ECSCR: variants seen among roughly 807,000 people sequenced by gnomAD.
ECSCR encodes the protein endothelial cell surface expressed chemotaxis and apoptosis regulator, also known as endothelial cell-specific chemotaxis regulator.
ECSCR carries 12 observed loss-of-function variants against 16.7 expected under a neutral mutation model. The observed-to-expected ratio is 0.72, with a 90% CI of 0.46 to 1.17. ECSCR has a LOEUF of 1.17. ECSCR is among the 50% of genes most tolerant of loss of function. The pLI, the probability that ECSCR is intolerant of heterozygous loss-of-function variation, is 0.00. For missense variants in ECSCR, 122 were observed against 116.1 expected (o/e 1.05, Z -0.23); for synonymous variants, 44 against 42.2 (o/e 1.04, Z -0.17).
chr5:139,456,436 T>C (rs1751159864), intron 5 of ECSCR, 38 bp downstream of exon 5: 3 of 398,420 alleles, frequency 7.5e-6, no homozygotes, highest in Non-Finnish European at 1.3e-5. Flanking sequence ...AGACATCTCC[T>C]GCCGACTTCT....
chr5:139,458,500 C>CAAAAAAAAAAAAAAAA (rs397882364), intron 1 of ECSCR, among the ~76,000 whole-genome samples: 108 of 85,358 alleles, frequency 1.3e-3, no homozygotes, highest in African/African-American at 1.6e-3. Flanking sequence ...CCTATCTCAA[C>CAAAAAAAAAAAAAAAA]AAAAAAAAAA....
chr5:139,450,460 C>T (rs1366863656), intron 8 of ECSCR, among the ~76,000 whole-genome samples: 2 of 134,114 alleles, frequency 1.5e-5, no homozygotes, highest in Admixed American at 8.2e-5. Flanking sequence ...GCCTGGGCAA[C>T]AGAGCAAGCC....
At chr5:139,454,264 AGTG>A (rs1751108687) in intron 8 of ECSCR, among the ~76,000 whole-genome samples, 1 of 108,440 alleles carries the variant, frequency 9.2e-6, no homozygotes, top group Admixed American at 9.6e-5. Context: ...ATGTGCGTCT[AGTG>A]GGGTGTGTGG....
chr5:139,449,883 G>A (rs1750998448), intron 8 of ECSCR, among the ~76,000 whole-genome samples: 1 of 150,680 alleles, frequency 6.6e-6, no homozygotes, highest in Admixed American at 6.6e-5. Flanking sequence ...CATCGCATCC[G>A]CTAAAGCCTC....
intron 1 of ECSCR, among the ~76,000 whole-genome samples, chr5:139,461,998 G>A (rs1206635575): frequency 6.6e-6 from 1 of 152,148 alleles, no homozygotes; most frequent in Admixed American, 6.5e-5. Flanking sequence ...TGTCAGAGAG[G>A]TGCCATTTCC....
intron 8 of ECSCR, among the ~76,000 whole-genome samples, chr5:139,450,077 T>C (rs945349716): frequency 2.0e-5 from 3 of 152,068 alleles, no homozygotes; most frequent in African/African-American, 7.2e-5. Context: ...GTATTTTTAG[T>C]AGAGACTGGG....
intron 1 of ECSCR, among the ~76,000 whole-genome samples, chr5:139,458,882 G>T (rs896409473): frequency 6.6e-6 from 1 of 151,624 alleles, no homozygotes; most frequent in African/African-American, 2.4e-5. Context: ...AGAAAAAAAC[G>T]TTTTGGCTTT....
At chr5:139,458,500 C>CAAAAAAAAAAAAAAAAA (rs397882364) in intron 1 of ECSCR, among the ~76,000 whole-genome samples, 85 of 85,346 alleles carry the variant, frequency 1.0e-3, no homozygotes, top group African/African-American at 2.0e-3. Flanking sequence ...CCTATCTCAA[C>CAAAAAAAAAAAAAAAAA]AAAAAAAAAA....
chr5:139,448,775 A>G lies in ECSCR; in HGVS notation c.*125T>C. The stretch of plus-strand genomic sequence containing the variant: ...CAATGCTAGTGTCCTTTAGATCTAG[A>G]AGCAGACATGAAACAATAAAATAAT... On this transcript the variant is annotated 3_prime_UTR_variant, in exon 10 of 10. Coordinates refer to ENST00000618155, the MANE Select transcript of ECSCR (RefSeq NM_001077693.4). 3 of 1,490,276 alleles carry G rather than the reference A, an allele frequency of 2.0e-6. No homozygotes were observed. In the South Asian group the frequency reaches 4.0e-5, roughly 20 times the overall value. 92.3% of individuals were successfully genotyped at this position (1,490,276 alleles called of 1,614,324 possible).
chr5:139,460,360 T>C (rs1304726199), intron 1 of ECSCR, among the ~76,000 whole-genome samples: 1 of 152,126 alleles, frequency 6.6e-6, no homozygotes, highest in East Asian at 1.9e-4. Context: ...GGTCTCAAAC[T>C]CCTGACCTCA....
chr5:139,461,097 G>A (rs563999002), intron 1 of ECSCR, among the ~76,000 whole-genome samples: 1 of 152,294 alleles, frequency 6.6e-6, no homozygotes, highest in South Asian at 2.1e-4. Context: ...AGGAGGTCAA[G>A]GCTGCAGTGA....
chr5:139,457,740 C>T lies in ECSCR; in HGVS notation c.157+17G>A. ...TGTGGGGCAGGAGCAGGGACCTCAG[C>T]AACCACACTCACTCACCTGGGTTGG... is the stretch of plus-strand genomic sequence containing the variant. On this transcript the variant is annotated intron_variant, in intron 3 of 9. Coordinates refer to ENST00000618155, the MANE Select transcript of ECSCR (RefSeq NM_001077693.4). 1 of 1,613,312 alleles carries T rather than the reference C, an allele frequency of 6.2e-7. No homozygotes were observed. Among genetic ancestry groups the T allele is most frequent in the Non-Finnish European group, 8.5e-7 (1 of 1,179,568 alleles).
chr5:139,460,177 C>A (rs1426905991), intron 1 of ECSCR, among the ~76,000 whole-genome samples: 1 of 151,876 alleles, frequency 6.6e-6, no homozygotes, highest in Non-Finnish European at 1.5e-5. Flanking sequence ...TCTTGGTCAC[C>A]CAGGCTGGAG....
In ECSCR at chr5:139,448,923, C is replaced by T; in HGVS notation, c.610-15G>A. ...TTTTAAAGAACCTGCAAAATAAATG[C>T]ATAATGGGGAAGGGTGAACTTTTTA... is the stretch of plus-strand genomic sequence containing the variant. On this transcript the variant is annotated splice_polypyrimidine_tract_variant and intron_variant, in intron 9 of 9. Coordinates refer to ENST00000618155, the MANE Select transcript of ECSCR (RefSeq NM_001077693.4). 4 of 1,537,072 alleles carry T rather than the reference C, an allele frequency of 2.6e-6. No homozygotes were observed. The highest frequency in any genetic ancestry group is 3.5e-6 in the Non-Finnish European group (4 of 1,146,898).
intron 1 of ECSCR, among the ~76,000 whole-genome samples, chr5:139,459,030 G>T (rs1185122421): frequency 6.6e-6 from 1 of 152,070 alleles, no homozygotes; most frequent in African/African-American, 2.4e-5. Flanking sequence ...GAGTCCCGAA[G>T]TCCTTCCCTG....
chr5:139,454,987 C>T (rs1291047115), intron 6 of ECSCR, 64 bp from the exon 7 acceptor site: 1 of 398,532 alleles, frequency 2.5e-6, no homozygotes, highest in East Asian at 3.6e-5. Context: ...CAACAAGAGT[C>T]CGGCATTCCC....
intron 2 of ECSCR, 49 bp from the exon 3 acceptor site, chr5:139,457,856 C>T (rs1407683968): frequency 4.5e-6 from 7 of 1,554,692 alleles, no homozygotes; most frequent in Non-Finnish European, 4.4e-6. Flanking sequence ...CCTACTGTTC[C>T]ATCTCCCTCT....
Position 139,457,796 on chromosome 5 carries a change from C to T in ECSCR, c.118G>A (p.Gly40Ser), listed in dbSNP as rs201654370. Residue 40 changes from glycine (G) to serine (S), a missense_variant, in exon 3 of 10, where the codon GGT becomes AGT. By Grantham distance (56) the Gly-to-Ser change is moderately conservative. Transcript: ENST00000618155. Reference protein sequence around the residue: ...QTSSSQGGLGGLSLTTEPVSS... With the variant: ...QTSSSQGGLGSLSLTTEPVSS... ...ACTGGCTCTGTGGTCAGACTTAGAC[C>T]GCCAAGGCCTCCTGAAACAGAACAT... 9.9e-4 allele frequency: 1,591 copies of T among 1,609,886 alleles called. No homozygotes were observed. Among genetic ancestry groups the T allele is most frequent in the Non-Finnish European group, 1.2e-3 (1,451 of 1,178,046 alleles).
intron 8 of ECSCR, among the ~76,000 whole-genome samples, chr5:139,451,917 T>A (rs1751060627): frequency 6.9e-6 from 1 of 145,538 alleles, no homozygotes; most frequent in Admixed American, 6.8e-5. Flanking sequence ...GGATGTGTGG[T>A]GTATGGGGCA....
Sources: gnomAD v4.1 joint callset for allele counts (sites outside exome capture counted in the v4.1 genomes callset) on GRCh38, gnomAD v4.1.1 for gene constraint, MANE v1.5 for transcripts, NCBI Gene and HGNC (gene_info 2026-07-23, HGNC 2026-07-21) for gene names.